BNC2: variants seen among roughly 807,000 people sequenced by gnomAD.
BNC2 encodes zinc finger protein basonuclin-2.
A neutral mutation model predicts 76.3 loss-of-function variants in BNC2; 20 were observed. That is an observed-to-expected ratio of 0.26 (90% CI 0.18 to 0.38). The LOEUF is 0.38. Ranked by LOEUF, BNC2 falls within the 10% of genes least tolerant of loss-of-function variation. The pLI is 1.00. For missense variants in BNC2, 1,382 were observed against 1,399.8 expected (o/e 0.99, Z 0.20); for synonymous variants, 582 against 514.8 (o/e 1.13, Z -1.77).
chr9:16,518,557 G>A (rs922206187), intron 5 of BNC2, among the ~76,000 whole-genome samples: 1 of 150,592 alleles, frequency 6.6e-6, no homozygotes, highest in African/African-American at 2.5e-5. Flanking sequence ...ATGTACAGGT[G>A]CAAAAGTCAT....
At chr9:16,448,599 G>C (rs1587039001) in intron 5 of BNC2, among the ~76,000 whole-genome samples, 1 of 152,144 alleles carries the variant, frequency 6.6e-6, no homozygotes, top group Admixed American at 6.5e-5. Flanking sequence ...GGAGCAGGGC[G>C]AGAAAGGGAT....
chr9:16,789,863 G>A (rs1052135047), intron 1 of BNC2, among the ~76,000 whole-genome samples: 3 of 152,182 alleles, frequency 2.0e-5, no homozygotes, highest in Non-Finnish European at 4.4e-5. Context: ...GTTTCTTAAA[G>A]GCAGGTTTGG....
chr9:16,776,868 G>C (rs140659889), intron 1 of BNC2, among the ~76,000 whole-genome samples: 1 of 152,198 alleles, frequency 6.6e-6, no homozygotes, highest in African/African-American at 2.4e-5. Context: ...GCTCACATCT[G>C]TAATCCCAGC....
At chr9:16,562,448 G>C (rs777989812) in intron 4 of BNC2, among the ~76,000 whole-genome samples, 2 of 152,130 alleles carry the variant, frequency 1.3e-5, no homozygotes, top group Non-Finnish European at 2.9e-5. Flanking sequence ...TGAATAAAAG[G>C]TGTGGATAGA....
chr9:16,725,690 T>C (rs750361151), intron 3 of BNC2, among the ~76,000 whole-genome samples: 8 of 149,200 alleles, frequency 5.4e-5, no homozygotes, highest in Non-Finnish European at 1.2e-4. Flanking sequence ...TACACATATA[T>C]GCACACACAG....
At chr9:16,571,370 T>C (rs1240188859) in intron 4 of BNC2, among the ~76,000 whole-genome samples, 1 of 152,214 alleles carries the variant, frequency 6.6e-6, no homozygotes, top group Non-Finnish European at 1.5e-5. Context: ...CATTCACATA[T>C]ATATAGGATA....
Position 16,738,458 on chromosome 9 carries a change from G to T in BNC2, c.31C>A (p.His11Asn). 6.2e-7 allele frequency: 1 copy of T among 1,614,124 alleles called. No homozygotes were observed. The highest frequency in any genetic ancestry group is 8.5e-7 in the Non-Finnish European group (1 of 1,179,978). Residue 11 changes from histidine (H) to asparagine (N), a missense_variant, in exon 2 of 7, where the codon CAT becomes AAT. Around this residue, in one of 3 missense-constraint regions of BNC2, gnomAD observed 557 missense variants for 540.9 expected, o/e 1.03. Coordinates refer to ENST00000380672, the MANE Select transcript of BNC2 (RefSeq NM_017637.6). ...TCCTCTGATTTGTAATTAAGGCTATGTGGAGGTGGGGTGGGCCCAAGGTGT... is the reference window on the plus strand; with the variant it reads ...TCCTCTGATTTGTAATTAAGGCTATTTGGAGGTGGGGTGGGCCCAAGGTGT... MAHLGPTPPP[H>N]SLNYKSEDRL...
intron 1 of BNC2, among the ~76,000 whole-genome samples, chr9:16,763,801 G>A (rs780469719): frequency 1.3e-5 from 2 of 151,920 alleles, no homozygotes; most frequent in African/African-American, 4.8e-5. Context: ...AACACACCCC[G>A]CAAAAGAATG....
At chr9:16,514,800 CAAA>C (rs1822840408) in intron 5 of BNC2, among the ~76,000 whole-genome samples, 1 of 151,972 alleles carries the variant, frequency 6.6e-6, no homozygotes, top group Non-Finnish European at 1.5e-5. Flanking sequence ...AACAAACAAA[CAAA>C]AAAACACTTT....
chr9:16,800,705 C>G (rs549048458), intron 1 of BNC2, among the ~76,000 whole-genome samples: 4 of 152,294 alleles, frequency 2.6e-5, no homozygotes, highest in Admixed American at 2.6e-4. Context: ...TGGAATTTTA[C>G]TCCCTACAGC....
intron 1 of BNC2, among the ~76,000 whole-genome samples, chr9:16,769,029 G>A (rs1825766000): frequency 6.6e-6 from 1 of 152,158 alleles, no homozygotes; most frequent in Admixed American, 6.5e-5. Flanking sequence ...ACCTGAAATG[G>A]GGAACAATGG....
At chr9:16,795,512 A>G (rs1177357562) in intron 1 of BNC2, among the ~76,000 whole-genome samples, 1 of 152,074 alleles carries the variant, frequency 6.6e-6, no homozygotes, top group South Asian at 2.1e-4. Flanking sequence ...CCAGACGGCC[A>G]TGCAATTATA....
intron 3 of BNC2, among the ~76,000 whole-genome samples, chr9:16,675,825 G>A (rs1252967737): frequency 6.6e-6 from 1 of 152,116 alleles, no homozygotes; most frequent in African/African-American, 2.4e-5. Flanking sequence ...GAGGCAGATC[G>A]ATCACTTGAG....
At chr9:16,685,548 G>A in intron 3 of BNC2, 1 of 1,304,016 alleles carries the variant, frequency 7.7e-7, no homozygotes, top group Non-Finnish European at 1.0e-6. Flanking sequence ...CTCTAACCTG[G>A]ACTTCCAGCC....
At chr9:16,432,358 C>T (rs1038266336) in intron 6 of BNC2, among the ~76,000 whole-genome samples, 4 of 152,156 alleles carry the variant, frequency 2.6e-5, no homozygotes, top group Non-Finnish European at 5.9e-5. Context: ...CTAGAAGGAC[C>T]ATAAACAAAG....
intron 6 of BNC2, among the ~76,000 whole-genome samples, chr9:16,423,166 C>T (rs10511621): frequency 0.21 from 32,133 of 152,188 alleles, 6,176 homozygotes; most frequent in African/African-American, 0.52. Context: ...TCTCCAGCGA[C>T]AGAGATGGTT....
At chr9:16,738,558 C>CTGTT (rs1554720028) in intron 1 of BNC2, 73 bp from the exon 2 acceptor site, 5 of 1,553,294 alleles carry the variant, frequency 3.2e-6, no homozygotes, top group Non-Finnish European at 3.5e-6. Context: ...TACATCAAAA[C>CTGTT]TTTAAGAAAT....
At chr9:16,581,012 T>G (rs1819616077) in intron 4 of BNC2, among the ~76,000 whole-genome samples, 1 of 152,124 alleles carries the variant, frequency 6.6e-6, no homozygotes, top group African/African-American at 2.4e-5. Flanking sequence ...TCTGATGAGT[T>G]TAGGATATAA....
intron 5 of BNC2, among the ~76,000 whole-genome samples, chr9:16,506,445 C>G (rs1318538274): frequency 6.8e-6 from 1 of 146,224 alleles, no homozygotes; most frequent in African/African-American, 2.6e-5. Flanking sequence ...CCTGTGTCAT[C>G]TGGCAAGTTG....
Sources: gnomAD v4.1 joint callset for allele counts (sites outside exome capture counted in the v4.1 genomes callset) on GRCh38, gnomAD v4.1.1 for gene constraint, gnomAD v4.1.1 regional missense constraint, MANE v1.5 for transcripts, NCBI Gene and HGNC (gene_info 2026-07-23, HGNC 2026-07-21) for gene names.